Variants in CDC73 observed in about 807,000 individuals in gnomAD.
CDC73 encodes the protein parafibromin.
Under a neutral mutation model 83.7 loss-of-function variants are expected in CDC73, and 21 were observed. The ratio of observed to expected loss-of-function variants is 0.25; its 90% CI spans 0.18 to 0.36. The LOEUF (loss-of-function observed/expected upper bound fraction) is 0.36, where lower values mean the gene tolerates loss of function less well. Ranked by LOEUF, CDC73 falls within the 10% of genes least tolerant of loss-of-function variation. The pLI is 1.00. For missense variants in CDC73, 342 were observed against 653.3 expected, an observed-to-expected ratio of 0.52 and a Z score of 5.19; for synonymous variants, 224 against 212.9, an observed-to-expected ratio of 1.05 and a Z score of -0.45.
intron 15 of CDC73, among the ~76,000 whole-genome samples, chr1:193,241,349 C>T (rs1396811920): frequency 6.6e-6 from 1 of 152,166 alleles, no homozygotes. Flanking sequence ...TTGCTGGGGT[C>T]AGTGACATCA....
intron 15 of CDC73, among the ~76,000 whole-genome samples, chr1:193,245,910 T>C (rs1458507971): frequency 6.6e-6 from 1 of 152,184 alleles, no homozygotes; most frequent in African/African-American, 2.4e-5. Flanking sequence ...TTTTAATATA[T>C]TTGTTGACTA....
At chr1:193,204,312 CAG>C (rs1307874170) in intron 11 of CDC73, among the ~76,000 whole-genome samples, 2 of 138,006 alleles carry the variant, frequency 1.4e-5, no homozygotes, top group Non-Finnish European at 1.5e-5. Flanking sequence ...TTTTTTGAGA[CAG>C]AGTCTTGCTC....
At chr1:193,197,285 A>T (rs1271594187) in intron 10 of CDC73, among the ~76,000 whole-genome samples, 1 of 152,192 alleles carries the variant, frequency 6.6e-6, no homozygotes, top group Non-Finnish European at 1.5e-5. Context: ...GCATTCCAAG[A>T]ATGAATCCCA....
At chr1:193,218,054 A>G (rs1677400619) in intron 13 of CDC73, among the ~76,000 whole-genome samples, 1 of 152,218 alleles carries the variant, frequency 6.6e-6, no homozygotes, top group Non-Finnish European at 1.5e-5. Flanking sequence ...GTTTAGTGAA[A>G]TTTCAGATAC....
chr1:193,189,708 TTAAAGAC>T (rs1405167033), intron 10 of CDC73, among the ~76,000 whole-genome samples: 19 of 152,326 alleles, frequency 1.2e-4, no homozygotes, highest in Admixed American at 1.2e-3. Flanking sequence ...GAGTCAGAAT[TTAAAGAC>T]AGGAATTGTA....
At chr1:193,181,079 C>G (rs1479715076) in intron 10 of CDC73, 1 of 1,613,998 alleles carries the variant, frequency 6.2e-7, no homozygotes, top group Non-Finnish European at 8.5e-7. Context: ...TCTATTTGTC[C>G]AGGCTCTGCA....
chr1:193,243,545 T>A (rs925531047), intron 15 of CDC73, among the ~76,000 whole-genome samples: 6 of 152,174 alleles, frequency 3.9e-5, no homozygotes, highest in Non-Finnish European at 7.4e-5. Context: ...TTGATCATTT[T>A]AAAAAATGTA....
rs182563953 is a variant in CDC73, at chr1:193,252,792, G to C, written c.*2080G>C. On this transcript the variant is annotated 3_prime_UTR_variant, in exon 17 of 17. Coordinates refer to ENST00000367435, the MANE Select transcript of CDC73 (RefSeq NM_024529.5). ...CAGCCACTCCCATTTATTCTCCCATGACATGGTCCTATATAGCAGTACTTA... is the reference window on the plus strand; with the variant it reads ...CAGCCACTCCCATTTATTCTCCCATCACATGGTCCTATATAGCAGTACTTA... The C allele has an allele frequency of 2.8e-4, 65 of 231,806 alleles. No homozygotes were observed. Among genetic ancestry groups the C allele is most frequent in the Non-Finnish European group, 9.4e-5 (11 of 117,220 alleles). 14.4% of individuals were successfully genotyped at this position (231,806 alleles called of 1,614,324 possible).
intron 13 of CDC73, among the ~76,000 whole-genome samples, chr1:193,214,712 C>T (rs918730525): frequency 6.6e-6 from 1 of 152,108 alleles, no homozygotes; most frequent in Non-Finnish European, 1.5e-5. Flanking sequence ...GAGCGAGACT[C>T]CTCAGAAAAT....
chr1:193,157,578 A>G (rs564391725), intron 10 of CDC73, among the ~76,000 whole-genome samples: 1 of 152,332 alleles, frequency 6.6e-6, no homozygotes, highest in African/African-American at 2.4e-5. Flanking sequence ...CAACAGCCAC[A>G]TCCACCTGAG....
At chr1:193,168,083 A>G (rs755289407) in intron 10 of CDC73, among the ~76,000 whole-genome samples, 10 of 151,698 alleles carry the variant, frequency 6.6e-5, no homozygotes, top group Non-Finnish European at 1.0e-4. Context: ...CTGGTCCCAA[A>G]CTCCTGACCT....
At position 193,173,022 on chromosome 1, in the gene CDC73, A is replaced by G. The variant is rs567320550; in HGVS notation, c.972+20578A>G. Among the ~76,000 whole-genome samples, 220 of 152,326 alleles carry G rather than the reference A, an allele frequency of 1.4e-3. 1 individual carries two copies. Among genetic ancestry groups the G allele is most frequent in the Non-Finnish European group, 2.3e-3 (158 of 68,034 alleles). ...GGATTCTTGCAGTCTTCCTGAGCAC[A>G]GTGGTGGAGAAAAGAGGAAAATCCC... On this transcript the variant is annotated intron_variant, in intron 10 of 16. Coordinates refer to ENST00000367435, the MANE Select transcript of CDC73 (RefSeq NM_024529.5).
chr1:193,243,088 G>A (rs1404788532), intron 15 of CDC73, among the ~76,000 whole-genome samples: 2 of 151,808 alleles, frequency 1.3e-5, no homozygotes, highest in African/African-American at 4.8e-5. Context: ...TGGGATTACA[G>A]GTGCACGCCA....
At chr1:193,156,609 A>G (rs555343105) in intron 10 of CDC73, among the ~76,000 whole-genome samples, 2 of 152,254 alleles carry the variant, frequency 1.3e-5, no homozygotes, top group South Asian at 4.1e-4. Context: ...GCAGGAACAC[A>G]TACATAGCAC....
chr1:193,146,660 A>G (rs943087288), intron 7 of CDC73, among the ~76,000 whole-genome samples: 2 of 152,230 alleles, frequency 1.3e-5, no homozygotes, highest in East Asian at 1.9e-4. Flanking sequence ...ACCTCCTAAT[A>G]CTATTAGAAT....
At chr1:193,168,430 A>G (rs1676467578) in intron 10 of CDC73, among the ~76,000 whole-genome samples, 1 of 152,206 alleles carries the variant, frequency 6.6e-6, no homozygotes, top group African/African-American at 2.4e-5. Context: ...AGGTAAAGCA[A>G]TATAATTGCA....
At chr1:193,221,141 T>G (rs969043731) in intron 13 of CDC73, among the ~76,000 whole-genome samples, 2 of 152,114 alleles carry the variant, frequency 1.3e-5, no homozygotes, top group African/African-American at 4.8e-5. Context: ...TAATGAGTAC[T>G]AAGTAAATAA....
intron 13 of CDC73, among the ~76,000 whole-genome samples, chr1:193,217,369 G>C (rs1677387251): frequency 6.6e-6 from 1 of 152,034 alleles, no homozygotes; most frequent in Non-Finnish European, 1.5e-5. Flanking sequence ...TTCTTGTCTT[G>C]GTGTACTGGA....
At chr1:193,236,214 C>G in intron 14 of CDC73, 42 bp from the exon 15 acceptor site, 1 of 1,155,682 alleles carries the variant, frequency 8.7e-7, no homozygotes, top group Non-Finnish European at 1.3e-6. Flanking sequence ...AAATAATCTC[C>G]GTCTGTCCCC....
Sources: allele counts gnomAD v4.1 joint callset (sites outside exome capture counted in the v4.1 genomes callset), GRCh38; gene constraint gnomAD v4.1.1; transcripts MANE v1.5; gene names NCBI Gene and HGNC (gene_info 2026-07-23, HGNC 2026-07-21).